The following SEMA6D variants were observed in gnomAD, a reference collection of about 807,000 sequenced individuals.
SEMA6D encodes the protein semaphorin-6D.
In SEMA6D, 35 loss-of-function variants were observed where a neutral mutation model predicts 106.6. The ratio of observed to expected loss-of-function variants is 0.33; its 90% CI spans 0.25 to 0.44. SEMA6D has a LOEUF of 0.44. Among genes scored for constraint, SEMA6D ranks in the 20% least tolerant of loss-of-function variants. The pLI, the probability that SEMA6D is intolerant of heterozygous loss-of-function variation, is 1.00. For synonymous variants in SEMA6D, 499 were observed against 487.7 expected (o/e 1.02, Z -0.31); for missense variants, 1,185 against 1,345.9 (o/e 0.88, Z 1.87).
intron 4 of SEMA6D, among the ~76,000 whole-genome samples, chr15:47,692,161 T>C (rs1488089641): frequency 6.6e-6 from 1 of 152,170 alleles, no homozygotes; most frequent in East Asian, 1.9e-4. Context: ...CAAAACTGTT[T>C]AGGAGGCTTA....
chr15:47,739,272 A>T (rs1039698238), intron 1 of SEMA6D, among the ~76,000 whole-genome samples: 4 of 152,206 alleles, frequency 2.6e-5, no homozygotes, highest in Admixed American at 2.6e-4. Flanking sequence ...TAGTTGGAGC[A>T]CAGTGGACTA....
At chr15:47,412,185 C>G (rs535867469) in intron 1 of SEMA6D, among the ~76,000 whole-genome samples, 1 of 151,706 alleles carries the variant, frequency 6.6e-6, no homozygotes, top group Admixed American at 6.6e-5. Flanking sequence ...AGGTAGAGAT[C>G]AATAATCAGT....
Position 47,764,275 on chromosome 15 carries a change from C to G in SEMA6D, c.1067C>G (p.Ala356Gly), listed in dbSNP as rs1255305906. ...EQKTPDSVWTAVPEDKVPKPR... is the reference protein window; with the variant it reads ...EQKTPDSVWTGVPEDKVPKPR... ...AAAACTCCAGATTCTGTTTGGACAGCAGTTCCCGAAGACAAAGTGCCAAAG... is the reference window on the plus strand; with the variant it reads ...AAAACTCCAGATTCTGTTTGGACAGGAGTTCCCGAAGACAAAGTGCCAAAG... Residue 356 changes from alanine (A) to glycine (G), a missense_variant, in exon 11 of 19, where the codon GCA becomes GGA. Ala to Gly is a moderately conservative substitution (Grantham distance 60). This residue lies in a region of SEMA6D where 291 missense variants were observed against 423.8 expected (regional missense o/e 0.69). Coordinates refer to ENST00000536845, the MANE Select transcript of SEMA6D (RefSeq NM_001358351.3). The G allele has an allele frequency of 6.2e-7, 1 of 1,613,600 alleles. No homozygotes were observed. The highest frequency in any genetic ancestry group is 1.1e-5 in the South Asian group (1 of 91,036).
intron 1 of SEMA6D, among the ~76,000 whole-genome samples, chr15:47,367,691 C>T (rs549658193): frequency 2.3e-5 from 1 of 43,292 alleles, no homozygotes; most frequent in East Asian, 4.3e-4. Context: ...CGCGCGCGCG[C>T]GCACACACAC....
intron 1 of SEMA6D, among the ~76,000 whole-genome samples, chr15:47,310,815 C>G (rs2036419701): frequency 6.6e-6 from 1 of 152,148 alleles, no homozygotes; most frequent in African/African-American, 2.4e-5. Context: ...AAAGAAATAT[C>G]TGAGTATTAT....
At chr15:47,408,493 T>A (rs1160755325) in intron 1 of SEMA6D, among the ~76,000 whole-genome samples, 2 of 152,208 alleles carry the variant, frequency 1.3e-5, no homozygotes, top group Non-Finnish European at 2.9e-5. Context: ...AAGGGTAAAC[T>A]AAATAACTTA....
chr15:47,610,866 CAG>C (rs1273231908), intron 4 of SEMA6D, among the ~76,000 whole-genome samples: 3 of 152,138 alleles, frequency 2.0e-5, no homozygotes, highest in African/African-American at 7.2e-5. Context: ...GGAAAGGAAA[CAG>C]ATACTACTGT....
At chr15:47,193,835 C>G (rs560413837) in intron 1 of SEMA6D, among the ~76,000 whole-genome samples, 1 of 152,230 alleles carries the variant, frequency 6.6e-6, no homozygotes, top group Non-Finnish European at 1.5e-5. Context: ...CAGAATATCT[C>G]TTACTCTTTT....
intron 1 of SEMA6D, among the ~76,000 whole-genome samples, chr15:47,285,879 A>G (rs2142683796): frequency 6.6e-6 from 1 of 152,356 alleles, no homozygotes; most frequent in African/African-American, 2.4e-5. Context: ...TACTTTAACA[A>G]ACATTACTTT....
chr15:47,538,131 G>T (rs1392287523), intron 3 of SEMA6D, among the ~76,000 whole-genome samples: 2 of 152,168 alleles, frequency 1.3e-5, no homozygotes, highest in East Asian at 3.9e-4. Flanking sequence ...AGAAGAAAAG[G>T]ACAGTGCGAT....
chr15:47,546,824 G>A (rs2045536883), intron 3 of SEMA6D, among the ~76,000 whole-genome samples: 2 of 151,990 alleles, frequency 1.3e-5, no homozygotes, highest in South Asian at 2.1e-4. Context: ...ATGACCAGGG[G>A]CATCTGTGCC....
intron 1 of SEMA6D, among the ~76,000 whole-genome samples, chr15:47,302,734 C>T (rs2036071979): frequency 6.6e-6 from 1 of 152,126 alleles, no homozygotes; most frequent in Non-Finnish European, 1.5e-5. Flanking sequence ...AGGCAATGAA[C>T]AAAGGGATGG....
chr15:47,324,101 A>G (rs1209357703), intron 1 of SEMA6D, among the ~76,000 whole-genome samples: 2 of 151,756 alleles, frequency 1.3e-5, no homozygotes, highest in African/African-American at 4.8e-5. Flanking sequence ...GGTTTACTGT[A>G]GTTTGGTTTT....
chr15:47,525,220 C>A (rs1454651575), intron 3 of SEMA6D: 1 of 152,190 alleles, frequency 6.6e-6, no homozygotes, highest in Non-Finnish European at 1.5e-5. Context: ...GAAAAGTGAT[C>A]ACCTCAAGGG....
intron 1 of SEMA6D, among the ~76,000 whole-genome samples, chr15:47,297,235 A>G (rs1165076619): frequency 6.6e-6 from 1 of 152,214 alleles, no homozygotes; most frequent in African/African-American, 2.4e-5. Flanking sequence ...CCCTAAAGGC[A>G]TAAAACATTT....
At position 47,271,869 on chromosome 15, in the gene SEMA6D, A is replaced by G. The variant is rs145313084; in HGVS notation, c.-239+87451A>G. Among the ~76,000 whole-genome samples, 6 of 152,314 alleles carry G rather than the reference A, an allele frequency of 3.9e-5. No homozygotes were observed. The East Asian group carries it at 1.2e-3, about 29-fold the overall frequency. On this transcript the variant is annotated intron_variant, in intron 1 of 19. Transcript: ENST00000558014. Reference sequence around the variant, plus strand: ...AGCACTGCTCTTGCTTTCAAGCTGGAATATTGATGCATTTGGTAAAGTTCA... The same window carrying G: ...AGCACTGCTCTTGCTTTCAAGCTGGGATATTGATGCATTTGGTAAAGTTCA...
At chr15:47,714,875 G>A (rs754754902), upstream of SEMA6D, among the ~76,000 whole-genome samples, 3 of 152,182 alleles carry the variant, frequency 2.0e-5, no homozygotes, top group African/African-American at 4.8e-5. Context: ...TATTTATTGG[G>A]CGTCCATTAA....
At chr15:47,762,177 CA>C (rs35502399) in intron 7 of SEMA6D, 22 bp from the exon 8 acceptor site, 1 of 1,613,070 alleles carries the variant, frequency 6.2e-7, no homozygotes, top group Non-Finnish European at 8.5e-7. Flanking sequence ...GTTATCTTAC[CA>C]AAATTATACC....
In SEMA6D at chr15:47,209,023, T is replaced by C. The variant is rs78189179; in HGVS notation, c.-239+24605T>C. Among the ~76,000 whole-genome samples the C allele has an allele frequency of 5.8e-3, 888 of 152,248 alleles. 25 individuals are homozygous for C. In the East Asian group the frequency reaches 0.067, roughly 11 times the overall value. On this transcript the variant is annotated intron_variant, in intron 1 of 19. Transcript: ENST00000558014. ...ATGCATAGCTTGTAGATCTCTCCTT[T>C]TTACTCTTTGAGATATTCTTTGTTT...
Sources: gnomAD v4.1 joint callset for allele counts (sites outside exome capture counted in the v4.1 genomes callset) on GRCh38, gnomAD v4.1.1 for gene constraint, gnomAD v4.1.1 regional missense constraint, MANE v1.5 for transcripts, NCBI Gene and HGNC (gene_info 2026-07-23, HGNC 2026-07-21) for gene names.